Variants in CYP7B1 observed in about 807,000 individuals in gnomAD.
CYP7B1 encodes cytochrome P450 7B1.
CYP7B1 carries 29 observed loss-of-function variants against 42.7 expected under a neutral mutation model. The observed-to-expected ratio is 0.68, with a 90% CI of 0.51 to 0.93. The LOEUF (loss-of-function observed/expected upper bound fraction) is 0.93. Among genes scored for constraint, CYP7B1 ranks in the 40% least tolerant of loss-of-function variants. The pLI is 0.00. For missense variants in CYP7B1, 655 were observed against 600.5 expected, an observed-to-expected ratio of 1.09 and a Z score of -0.95; for synonymous variants, 235 against 218.2, an observed-to-expected ratio of 1.08 and a Z score of -0.68.
chr8:64,651,348 TGGA>T (rs1261079321), intron 1 of CYP7B1, among the ~76,000 whole-genome samples: 2 of 152,222 alleles, frequency 1.3e-5, no homozygotes, highest in Non-Finnish European at 2.9e-5. Context: ...AAGATAATGT[TGGA>T]GAAGTGGATG....
chr8:64,605,146 G>A (rs1805261209), intron 4 of CYP7B1, among the ~76,000 whole-genome samples: 1 of 152,190 alleles, frequency 6.6e-6, no homozygotes, highest in Admixed American at 6.5e-5. Flanking sequence ...ATCTGCTAGA[G>A]AGGAATGTTG....
At chr8:64,754,633 CA>C (rs1807780604) in intron 1 of CYP7B1, among the ~76,000 whole-genome samples, 1 of 152,008 alleles carries the variant, frequency 6.6e-6, no homozygotes. Context: ...AGCCCTTGAG[CA>C]AGGCTAGGCC....
intron 1 of CYP7B1, among the ~76,000 whole-genome samples, chr8:64,772,686 A>G (rs913615928): frequency 1.3e-5 from 2 of 152,192 alleles, no homozygotes; most frequent in Admixed American, 1.3e-4. Context: ...TCTACTGCAC[A>G]CCATTTCAGA....
intron 1 of CYP7B1, among the ~76,000 whole-genome samples, chr8:64,740,762 C>T (rs1476399579): frequency 6.6e-6 from 1 of 151,934 alleles, no homozygotes; most frequent in Non-Finnish European, 1.5e-5. Context: ...TTGAAACGGG[C>T]CAATTCCTTA....
intron 2 of CYP7B1, 28 bp from the exon 3 acceptor site, chr8:64,616,309 A>G: frequency 2.9e-6 from 4 of 1,375,936 alleles, no homozygotes; most frequent in Non-Finnish European, 4.0e-6. Context: ...GAGAGAAAAT[A>G]TGAGTTCGTT....
At chr8:64,693,393 A>G (rs1040657756) in intron 1 of CYP7B1, among the ~76,000 whole-genome samples, 3 of 152,206 alleles carry the variant, frequency 2.0e-5, no homozygotes, top group Non-Finnish European at 2.9e-5. Flanking sequence ...GGAGGCAGCA[A>G]TGGGGCTTGA....
intron 5 of CYP7B1, among the ~76,000 whole-genome samples, chr8:64,601,577 A>C (rs1245613037): frequency 6.6e-6 from 1 of 152,232 alleles, no homozygotes; most frequent in Non-Finnish European, 1.5e-5. Flanking sequence ...CATTACAATA[A>C]GTTAAGCAAC....
chr8:64,675,404 C>T (rs1024242247), intron 1 of CYP7B1, among the ~76,000 whole-genome samples: 6 of 150,664 alleles, frequency 4.0e-5, no homozygotes, highest in East Asian at 1.9e-4. Context: ...GCAAGATGTG[C>T]TATTTTTGTT....
intron 1 of CYP7B1, among the ~76,000 whole-genome samples, chr8:64,713,215 A>G (rs1458234811): frequency 6.6e-6 from 1 of 152,138 alleles, no homozygotes; most frequent in African/African-American, 2.4e-5. Flanking sequence ...CAAATTTCCA[A>G]TAAATCAACC....
chr8:64,618,180 G>A (rs1421753377), intron 2 of CYP7B1, among the ~76,000 whole-genome samples: 1 of 150,940 alleles, frequency 6.6e-6, no homozygotes, highest in Non-Finnish European at 1.5e-5. Context: ...GCCAGCATCT[G>A]CCTGTCAAAT....
chr8:64,644,221 G>A (rs1253602652), intron 1 of CYP7B1, among the ~76,000 whole-genome samples: 1 of 151,204 alleles, frequency 6.6e-6, no homozygotes, highest in Non-Finnish European at 1.5e-5. Flanking sequence ...GAAGTGAGCT[G>A]AGAGTGCGCC....
chr8:64,701,977 C>G (rs2356985), intron 1 of CYP7B1, among the ~76,000 whole-genome samples: 46,180 of 151,802 alleles, frequency 0.3, 8,034 homozygotes, highest in African/African-American at 0.48. Flanking sequence ...TGCATGGGAT[C>G]GACACAATGG....
At chr8:64,611,388 G>C (rs889777161) in intron 4 of CYP7B1, among the ~76,000 whole-genome samples, 2 of 152,098 alleles carry the variant, frequency 1.3e-5, no homozygotes, top group African/African-American at 4.8e-5. Context: ...ATGAAACAAT[G>C]TCTATAAGAT....
chr8:64,684,708 T>C (rs1244995601), intron 1 of CYP7B1, among the ~76,000 whole-genome samples: 1 of 152,226 alleles, frequency 6.6e-6, no homozygotes, highest in Non-Finnish European at 1.5e-5. Flanking sequence ...TGGTGACAGA[T>C]CCAATTAATG....
chr8:64,760,043 T>C (rs1365636030), intron 1 of CYP7B1, among the ~76,000 whole-genome samples: 1 of 152,040 alleles, frequency 6.6e-6, no homozygotes, highest in African/African-American at 2.4e-5. Context: ...TGTTTTAACA[T>C]AAAAATAGAA....
In CYP7B1 at chr8:64,777,779, C is replaced by T. The variant is rs576520778; in HGVS notation, c.122+20687G>A. Among the ~76,000 whole-genome samples, 139 of 151,650 alleles carry T rather than the reference C, an allele frequency of 9.2e-4. 1 individual carries two copies. The South Asian group carries it at 0.028, about 31-fold the overall frequency. On this transcript the variant is annotated intron_variant, in intron 1 of 5. Transcript: ENST00000310193. The stretch of plus-strand genomic sequence containing the variant: ...TCTCTGCTTCTGAAAACTTAAAGAG[C>T]CAAATTGTATGGTAACTCTAGAGAT...
intron 1 of CYP7B1, among the ~76,000 whole-genome samples, chr8:64,737,810 C>T (rs1366450701): frequency 2.0e-5 from 3 of 152,094 alleles, no homozygotes; most frequent in Non-Finnish European, 2.9e-5. Flanking sequence ...TGTTCTTGGC[C>T]AATGTTGTTC....
At chr8:64,664,913 A>G (rs1484785359) in intron 1 of CYP7B1, among the ~76,000 whole-genome samples, 1 of 152,118 alleles carries the variant, frequency 6.6e-6, no homozygotes, top group Non-Finnish European at 1.5e-5. Context: ...GCCAACTACA[A>G]TTTGGCTTGG....
At position 64,592,374 on chromosome 8, in the gene CYP7B1, A is replaced by G. The variant is rs1805050027; in HGVS notation, c.*4268T>C. 6.6e-6 allele frequency among the ~76,000 whole-genome samples: 1 copy of G among 152,228 alleles called. No homozygotes were observed. Among genetic ancestry groups the G allele is most frequent in the African/African-American group, 2.4e-5 (1 of 41,462 alleles). ...ACTTTGGAATGACTGATGGAAGGCT[A>G]GTTAGAACTAGTGATAAATCAGAAT... On this transcript the variant is annotated 3_prime_UTR_variant, in exon 6 of 6. Transcript: ENST00000310193.
Sources: gnomAD v4.1 joint callset for allele counts (sites outside exome capture counted in the v4.1 genomes callset) on GRCh38, gnomAD v4.1.1 for gene constraint, MANE v1.5 for transcripts, NCBI Gene and HGNC (gene_info 2026-07-23, HGNC 2026-07-21) for gene names.